The following PTPRB variants were observed in gnomAD, a reference collection of about 807,000 sequenced individuals.
PTPRB encodes receptor-type tyrosine-protein phosphatase beta.
PTPRB carries 97 observed loss-of-function variants against 238.1 expected under a neutral mutation model. The observed-to-expected ratio is 0.41, with a 90% confidence interval of 0.35 to 0.48. The LOEUF (loss-of-function observed/expected upper bound fraction) is 0.48, where lower values mean the gene tolerates loss of function less well. Among genes scored for constraint, PTPRB ranks in the 20% least tolerant of loss-of-function variants. The pLI is 0.30. For missense variants in PTPRB, 2,292 were observed against 2,681.9 expected (o/e 0.85, Z 3.21); for synonymous variants, 970 against 995.4 (o/e 0.97, Z 0.48).
At chr12:70,552,272 C>A (rs1307411745) in intron 21 of PTPRB, among the ~76,000 whole-genome samples, 1 of 151,914 alleles carries the variant, frequency 6.6e-6, no homozygotes, top group East Asian at 1.9e-4. Context: ...TCACTTGAGG[C>A]CAGGAGTTGG....
chr12:70,614,942 T>C (rs984317491), intron 3 of PTPRB, among the ~76,000 whole-genome samples: 3 of 152,182 alleles, frequency 2.0e-5, no homozygotes, highest in Non-Finnish European at 4.4e-5. Flanking sequence ...CTGAGATACT[T>C]ACTTTTCAAG....
chr12:70,612,818 C>T (rs1361162053), intron 3 of PTPRB, among the ~76,000 whole-genome samples: 1 of 152,010 alleles, frequency 6.6e-6, no homozygotes, highest in Non-Finnish European at 1.5e-5. Context: ...GAAACCCTGT[C>T]TCTACAAAAA....
At chr12:70,607,228 T>G (rs1487297259) in intron 4 of PTPRB, among the ~76,000 whole-genome samples, 1 of 152,254 alleles carries the variant, frequency 6.6e-6, no homozygotes, top group Non-Finnish European at 1.5e-5. Flanking sequence ...ATATTCTGGC[T>G]TCTTAAAGGT....
At chr12:70,585,915 G>T (rs565382443) in intron 9 of PTPRB, among the ~76,000 whole-genome samples, 6 of 151,966 alleles carry the variant, frequency 3.9e-5, no homozygotes, top group African/African-American at 1.4e-4. Context: ...TCTGTCTTTG[G>T]GATAGTTTGC....
intron 33 of PTPRB, 95 bp downstream of exon 33, chr12:70,524,376 A>G: frequency 7.5e-7 from 1 of 1,339,284 alleles, no homozygotes; most frequent in Non-Finnish European, 1.0e-6. Context: ...CAGCCTCCCA[A>G]AGTGCTGGGA....
At chr12:70,613,612 C>G (rs2136557921) in intron 3 of PTPRB, among the ~76,000 whole-genome samples, 1 of 152,186 alleles carries the variant, frequency 6.6e-6, no homozygotes, top group East Asian at 1.9e-4. Context: ...ATCTCAGTGG[C>G]CATTTAATTC....
intron 3 of PTPRB, among the ~76,000 whole-genome samples, chr12:70,616,733 A>G (rs1163952272): frequency 1.3e-5 from 2 of 152,162 alleles, no homozygotes; most frequent in Non-Finnish European, 1.5e-5. Flanking sequence ...CACTGTATCA[A>G]CTTTCATCTA....
At chr12:70,601,620 A>G (rs371543345) in intron 4 of PTPRB, among the ~76,000 whole-genome samples, 2 of 152,266 alleles carry the variant, frequency 1.3e-5, no homozygotes, top group African/African-American at 4.8e-5. Context: ...TTCATATGAA[A>G]TAATTGGAGG....
chr12:70,613,836 C>A (rs1314995579), intron 3 of PTPRB, among the ~76,000 whole-genome samples: 2 of 152,110 alleles, frequency 1.3e-5, no homozygotes, highest in African/African-American at 4.8e-5. Flanking sequence ...ACAAGTCCTT[C>A]TAAACATGGT....
intron 4 of PTPRB, among the ~76,000 whole-genome samples, chr12:70,607,683 C>T (rs1004539824): frequency 1.3e-5 from 2 of 151,432 alleles, no homozygotes; most frequent in African/African-American, 4.8e-5. Flanking sequence ...ATTACAGGCG[C>T]CCGCCACCAC....
At chr12:70,607,991 A>G (rs183449052) in intron 4 of PTPRB, among the ~76,000 whole-genome samples, 1 of 151,742 alleles carries the variant, frequency 6.6e-6, no homozygotes, top group Non-Finnish European at 1.5e-5. Flanking sequence ...TGAAAAAAAA[A>G]GATAATATCT....
At chr12:70,569,118 T>C (rs998992493) in intron 14 of PTPRB, among the ~76,000 whole-genome samples, 1 of 152,166 alleles carries the variant, frequency 6.6e-6, no homozygotes, top group Non-Finnish European at 1.5e-5. Flanking sequence ...TACTTATTTA[T>C]TGGGACAGGG....
chr12:70,597,902 C>G (rs1883168817), intron 4 of PTPRB, among the ~76,000 whole-genome samples: 2 of 152,154 alleles, frequency 1.3e-5, no homozygotes, highest in Non-Finnish European at 2.9e-5. Context: ...CCTATGAAAT[C>G]TAATGTTTCT....
chr12:70,521,586 C>T, intron 33 of PTPRB, 75 bp from the exon 34 acceptor site: 1 of 1,318,482 alleles, frequency 7.6e-7, no homozygotes, highest in Non-Finnish European at 1.0e-6. Context: ...ATGAAAATTA[C>T]CAATGTGAAA....
At chr12:70,527,931 A>C (rs1237613197) in intron 32 of PTPRB, among the ~76,000 whole-genome samples, 1 of 152,224 alleles carries the variant, frequency 6.6e-6, no homozygotes, top group African/African-American at 2.4e-5. Flanking sequence ...CAACTTCAGC[A>C]GAGGCTTAAA....
intron 4 of PTPRB, among the ~76,000 whole-genome samples, chr12:70,603,579 A>G (rs962654549): frequency 2.6e-5 from 4 of 152,230 alleles, no homozygotes; most frequent in Non-Finnish European, 4.4e-5. Context: ...ATTGTATGTT[A>G]GCTGTGTGAA....
At chr12:70,535,249 T>G (rs1390958542) in intron 29 of PTPRB, among the ~76,000 whole-genome samples, 2 of 93,764 alleles carry the variant, frequency 2.1e-5, no homozygotes, top group African/African-American at 7.3e-5. Context: ...TTTTTTTTTT[T>G]TCCCCTCAGC....
chr12:70,529,336 A>G (rs1201863946), intron 32 of PTPRB, among the ~76,000 whole-genome samples: 1 of 152,148 alleles, frequency 6.6e-6, no homozygotes, highest in East Asian at 1.9e-4. Context: ...AGGTGTATGG[A>G]GGTGATACAT....
intron 26 of PTPRB, chr12:70,539,254 T>C (rs1398005115): frequency 8.9e-6 from 5 of 559,512 alleles, no homozygotes; most frequent in Non-Finnish European, 1.6e-5. Flanking sequence ...GTCACCCAAG[T>C]GGCAAACCTG....
Sources: allele counts gnomAD v4.1 joint callset (sites outside exome capture counted in the v4.1 genomes callset), GRCh38; gene constraint gnomAD v4.1.1; transcripts MANE v1.5; gene names NCBI Gene and HGNC (gene_info 2026-07-23, HGNC 2026-07-21).